Variants in CDKAL1 observed in about 807,000 individuals in gnomAD.
The protein encoded by CDKAL1 is threonylcarbamoyladenosine tRNA methylthiotransferase.
A neutral mutation model predicts 68.2 loss-of-function variants in CDKAL1; 32 were observed. The observed-to-expected ratio is 0.47, with a 90% CI of 0.35 to 0.63. The LOEUF (loss-of-function observed/expected upper bound fraction) is 0.63. CDKAL1 is among the 30% of genes least tolerant of loss of function. The pLI is 0.00. For missense variants in CDKAL1, 606 were observed against 696.7 expected (o/e 0.87, Z 1.47); for synonymous variants, 234 against 244.3 (o/e 0.96, Z 0.39).
chr6:20,578,262 A>G (rs888038756), intron 4 of CDKAL1, among the ~76,000 whole-genome samples: 7 of 152,134 alleles, frequency 4.6e-5, no homozygotes, highest in African/African-American at 1.7e-4. Context: ...TTATGCACCT[A>G]TGTAAACACT....
intron 10 of CDKAL1, among the ~76,000 whole-genome samples, chr6:20,996,591 C>T (rs913496688): frequency 1.3e-5 from 2 of 152,078 alleles, no homozygotes; most frequent in African/African-American, 4.8e-5. Flanking sequence ...CTTATATGGG[C>T]GCGGTTTGTG....
intron 10 of CDKAL1, among the ~76,000 whole-genome samples, chr6:20,965,333 A>AGGGGG: frequency 1.0e-5 from 1 of 100,260 alleles, no homozygotes; most frequent in African/African-American, 3.6e-5. Flanking sequence ...AGGGGAGGGG[A>AGGGGG]GGGGAGGGGA....
intron 5 of CDKAL1, among the ~76,000 whole-genome samples, chr6:20,726,759 A>G (rs1772675311): frequency 1.3e-5 from 2 of 152,180 alleles, no homozygotes. Context: ...GTGGAGTCAT[A>G]TATATTCAGC....
At chr6:20,665,025 G>C (rs1769462870) in intron 5 of CDKAL1, among the ~76,000 whole-genome samples, 1 of 152,074 alleles carries the variant, frequency 6.6e-6, no homozygotes, top group South Asian at 2.1e-4. Flanking sequence ...CACATATGCA[G>C]CTGAGACTCT....
intron 13 of CDKAL1, among the ~76,000 whole-genome samples, chr6:21,145,264 A>G (rs563510820): frequency 2.0e-5 from 3 of 152,356 alleles, no homozygotes; most frequent in African/African-American, 7.2e-5. Flanking sequence ...ATGTTAAATT[A>G]TGGTAATAAA....
chr6:20,670,066 C>T (rs1322274642), intron 5 of CDKAL1, among the ~76,000 whole-genome samples: 4 of 152,266 alleles, frequency 2.6e-5, no homozygotes, highest in Middle Eastern at 3.4e-3. Flanking sequence ...TAACTCTGCT[C>T]TTTAACAGTG....
At chr6:20,588,755 ACCT>A (rs570876394) in intron 4 of CDKAL1, among the ~76,000 whole-genome samples, 1 of 151,934 alleles carries the variant, frequency 6.6e-6, no homozygotes, top group South Asian at 2.1e-4. Context: ...TGAGCTAGAG[ACCT>A]CCTTTTAAAA....
rs998943758 is a variant in CDKAL1 at position 20,691,730 on chromosome 6, C to T, written c.371+42353C>T. 3.9e-4 allele frequency among the ~76,000 whole-genome samples: 60 copies of T among 152,066 alleles called. 1 individual carries two copies. Among genetic ancestry groups the T allele is most frequent in the Non-Finnish European group, 3.8e-4 (26 of 68,008 alleles). On this transcript the variant is annotated intron_variant, in intron 5 of 15. Coordinates refer to ENST00000274695, the MANE Select transcript of CDKAL1 (RefSeq NM_017774.3). Reference sequence around the variant, plus strand: ...GCATTGTGAAAGAAAGCTCATTATGCGTCTCAGTCTCCTTCCTTGTCTTTT... The same window carrying T: ...GCATTGTGAAAGAAAGCTCATTATGTGTCTCAGTCTCCTTCCTTGTCTTTT...
intron 9 of CDKAL1, among the ~76,000 whole-genome samples, chr6:20,949,905 T>G (rs1048603149): frequency 1.3e-5 from 2 of 152,110 alleles, no homozygotes; most frequent in Non-Finnish European, 2.9e-5. Context: ...TCCACCTGTC[T>G]CAGCCTCCCA....
At chr6:21,211,463 T>G (rs1779144931) in intron 15 of CDKAL1, among the ~76,000 whole-genome samples, 1 of 152,192 alleles carries the variant, frequency 6.6e-6, no homozygotes. Context: ...ATCTAAGATG[T>G]ACCATTTAGT....
At chr6:20,657,891 GT>G (rs983789964) in intron 5 of CDKAL1, among the ~76,000 whole-genome samples, 2 of 152,148 alleles carry the variant, frequency 1.3e-5, no homozygotes, top group African/African-American at 4.8e-5. Flanking sequence ...AGCCCCCTGT[GT>G]TATGATGGCA....
At chr6:21,094,247 A>C (rs1026539883) in intron 12 of CDKAL1, among the ~76,000 whole-genome samples, 1 of 152,176 alleles carries the variant, frequency 6.6e-6, no homozygotes, top group African/African-American at 2.4e-5. Flanking sequence ...GTAGTAAGAA[A>C]TTACCAATAG....
chr6:20,750,285 G>A (rs1773859858), intron 6 of CDKAL1, among the ~76,000 whole-genome samples: 1 of 151,960 alleles, frequency 6.6e-6, no homozygotes, highest in Admixed American at 6.6e-5. Flanking sequence ...TTTCCAGGCT[G>A]GTCTCAAACT....
At chr6:21,165,828 C>T (rs1777128560) in intron 13 of CDKAL1, among the ~76,000 whole-genome samples, 1 of 152,126 alleles carries the variant, frequency 6.6e-6, no homozygotes, top group South Asian at 2.1e-4. Flanking sequence ...AGAGAGAGAG[C>T]TTTACGCACC....
chr6:20,926,260 C>G (rs1763180782), intron 9 of CDKAL1, among the ~76,000 whole-genome samples: 1 of 151,966 alleles, frequency 6.6e-6, no homozygotes, highest in South Asian at 2.1e-4. Context: ...TGGACACTGA[C>G]CCAGCAGGAA....
At chr6:21,041,623 C>A (rs1380912623) in intron 11 of CDKAL1, among the ~76,000 whole-genome samples, 1 of 84,984 alleles carries the variant, frequency 1.2e-5, no homozygotes, top group South Asian at 3.4e-4. Context: ...TTTTGGTATT[C>A]TGGATTATTT....
intron 13 of CDKAL1, chr6:21,135,620 A>C (rs1775553086): frequency 1.2e-6 from 1 of 863,308 alleles, no homozygotes; most frequent in South Asian, 5.3e-5. Flanking sequence ...TAATTACAAC[A>C]TAATTTAATT....
At chr6:21,142,366 A>G (rs1386406378) in intron 13 of CDKAL1, among the ~76,000 whole-genome samples, 1 of 151,822 alleles carries the variant, frequency 6.6e-6, no homozygotes, top group African/African-American at 2.4e-5. Flanking sequence ...CTGGCAGGAG[A>G]CTGGGACACC....
At position 20,613,013 on chromosome 6, in the gene CDKAL1, ACACACACACAC is replaced by A. The variant is rs1278690298; in HGVS notation, c.287-36279_287-36269del. 2.0e-5 allele frequency among the ~76,000 whole-genome samples: 3 copies of A among 146,996 alleles called. No individual in the cohort carries two copies. The East Asian group carries it at 6.0e-4, about 30-fold the overall frequency. ...TCTACACACACACACACACACACAC[ACACACACACAC>A]ACACACACACACACACACACAAAGG... On this transcript the variant is annotated intron_variant, in intron 4 of 15. Transcript: ENST00000274695.
Sources: gnomAD v4.1 joint callset for allele counts (sites outside exome capture counted in the v4.1 genomes callset) on GRCh38, gnomAD v4.1.1 for gene constraint, MANE v1.5 for transcripts, NCBI Gene and HGNC (gene_info 2026-07-23, HGNC 2026-07-21) for gene names.